Variants in DDAH1 observed in about 807,000 individuals in gnomAD.
DDAH1 encodes the protein dimethylarginine dimethylaminohydrolase 1, also known as N(G),N(G)-dimethylarginine dimethylaminohydrolase 1.
In DDAH1, 19 loss-of-function variants were observed where a neutral mutation model predicts 28.8. The observed-to-expected ratio is 0.66, with a 90% confidence interval of 0.46 to 0.97. The LOEUF (loss-of-function observed/expected upper bound fraction) is 0.97. DDAH1 is among the 50% of genes least tolerant of loss of function. The pLI is 0.00. For missense variants in DDAH1, 326 were observed against 375.9 expected, an observed-to-expected ratio of 0.87 and a Z score of 1.10; for synonymous variants, 153 against 154.4, an observed-to-expected ratio of 0.99 and a Z score of 0.07.
intron 1 of DDAH1, among the ~76,000 whole-genome samples, chr1:85,502,505 T>C (rs1656854096): frequency 6.6e-6 from 1 of 152,218 alleles, no homozygotes; most frequent in Non-Finnish European, 1.5e-5. Context: ...TGTGACACTT[T>C]TGAGGACCTC....
intron 1 of DDAH1, among the ~76,000 whole-genome samples, chr1:85,377,717 C>A (rs1262830195): frequency 6.6e-6 from 1 of 150,854 alleles, no homozygotes; most frequent in African/African-American, 2.4e-5. Flanking sequence ...CTCATCCCCC[C>A]ACCCCCATAC....
At chr1:85,540,961 A>T (rs1658454389) in intron 1 of DDAH1, among the ~76,000 whole-genome samples, 1 of 8,770 alleles carries the variant, frequency 1.1e-4, no homozygotes, top group Non-Finnish European at 2.4e-3. Flanking sequence ...CTCAGTATCT[A>T]AAAAAAAAAA....
At chr1:85,532,869 A>G (rs1361144607) in intron 1 of DDAH1, among the ~76,000 whole-genome samples, 2 of 152,258 alleles carry the variant, frequency 1.3e-5, no homozygotes, top group Non-Finnish European at 2.9e-5. Context: ...AAATCTGTCA[A>G]CTGGAAATAA....
At chr1:85,502,420 G>A (rs1382898528) in intron 1 of DDAH1, among the ~76,000 whole-genome samples, 1 of 152,220 alleles carries the variant, frequency 6.6e-6, no homozygotes, top group Non-Finnish European at 1.5e-5. Context: ...CAAAGCCAGT[G>A]GCTCTGACTG....
chr1:85,342,356 A>C (rs750907983), intron 4 of DDAH1, among the ~76,000 whole-genome samples: 10 of 151,894 alleles, frequency 6.6e-5, no homozygotes, highest in Non-Finnish European at 1.5e-4. Context: ...TCACACAGTA[A>C]GATCAGGTCC....
intron 1 of DDAH1, among the ~76,000 whole-genome samples, chr1:85,573,217 T>A (rs905184995): frequency 1.3e-5 from 2 of 152,202 alleles, no homozygotes; most frequent in Non-Finnish European, 2.9e-5. Flanking sequence ...TTGTCACAAA[T>A]AAATCACTTC....
chr1:85,554,174 A>G (rs1375608721), intron 1 of DDAH1, among the ~76,000 whole-genome samples: 1 of 152,066 alleles, frequency 6.6e-6, no homozygotes, highest in Non-Finnish European at 1.5e-5. Context: ...ACCATCTTTA[A>G]GATCTCTCAC....
chr1:85,479,336 G>C (rs1336067526), intron 2 of DDAH1, among the ~76,000 whole-genome samples: 1 of 151,020 alleles, frequency 6.6e-6, no homozygotes, highest in Non-Finnish European at 1.5e-5. Context: ...ACCGCGCCCG[G>C]CTAATTTTTT....
At chr1:85,327,098 A>T (rs1374180791) in intron 4 of DDAH1, among the ~76,000 whole-genome samples, 1 of 152,174 alleles carries the variant, frequency 6.6e-6, no homozygotes, top group East Asian at 1.9e-4. Flanking sequence ...TCCATTTATT[A>T]TTGTGTGCAA....
intron 1 of DDAH1, among the ~76,000 whole-genome samples, chr1:85,457,985 A>G (rs1654970368): frequency 1.3e-5 from 2 of 150,408 alleles, no homozygotes; most frequent in Non-Finnish European, 3.0e-5. Context: ...CACCACACCC[A>G]GCCCAAAACG....
intron 2 of DDAH1, among the ~76,000 whole-genome samples, chr1:85,481,847 C>T (rs1290732372): frequency 6.6e-6 from 1 of 152,230 alleles, no homozygotes; most frequent in Non-Finnish European, 1.5e-5. Context: ...CTTCTCTCCT[C>T]ATCTTGGTCT....
At chr1:85,497,872 C>A (rs1012917859) in intron 1 of DDAH1, among the ~76,000 whole-genome samples, 1 of 152,196 alleles carries the variant, frequency 6.6e-6, no homozygotes, top group Non-Finnish European at 1.5e-5. Context: ...AAAGTTCTTT[C>A]TTCCCCCTGA....
chr1:85,574,926 T>C (rs547011452), intron 1 of DDAH1, among the ~76,000 whole-genome samples: 1 of 151,556 alleles, frequency 6.6e-6, no homozygotes, highest in South Asian at 2.1e-4. Flanking sequence ...TATAACATAG[T>C]TGGGGAGAAA....
chr1:85,538,498 G>A (rs1463969397), intron 1 of DDAH1, among the ~76,000 whole-genome samples: 2 of 152,146 alleles, frequency 1.3e-5, no homozygotes, highest in African/African-American at 4.8e-5. Context: ...CTACCTCAAT[G>A]ATTTGCCCAG....
At chr1:85,515,584 A>T (rs1324542033) in intron 1 of DDAH1, among the ~76,000 whole-genome samples, 32 of 150,642 alleles carry the variant, frequency 2.1e-4, no homozygotes, top group African/African-American at 7.1e-4. Context: ...AATGTAAGTT[A>T]TATCCAAAGT....
intron 1 of DDAH1, among the ~76,000 whole-genome samples, chr1:85,560,498 C>T (rs551678812): frequency 2.6e-5 from 4 of 151,678 alleles, no homozygotes; most frequent in South Asian, 4.2e-4. Flanking sequence ...TATAGAAGTA[C>T]GATATATGAT....
chr1:85,400,866 C>A (rs1652067333), intron 1 of DDAH1, among the ~76,000 whole-genome samples: 1 of 152,116 alleles, frequency 6.6e-6, no homozygotes, highest in African/African-American at 2.4e-5. Context: ...TTATCTTATT[C>A]CTATATCCAT....
chr1:85,362,979 C>CTAT (rs1649870839), intron 1 of DDAH1, among the ~76,000 whole-genome samples: 1 of 152,264 alleles, frequency 6.6e-6, no homozygotes, highest in African/African-American at 2.4e-5. Context: ...AAAACTCTCC[C>CTAT]TAATATAAAA....
At chr1:85,343,068 C>G (rs1033297116) in intron 4 of DDAH1, among the ~76,000 whole-genome samples, 1 of 152,144 alleles carries the variant, frequency 6.6e-6, no homozygotes. Context: ...AGATGATTAC[C>G]CCTACAATAT....
Sources: allele counts gnomAD v4.1 joint callset (sites outside exome capture counted in the v4.1 genomes callset), GRCh38; gene constraint gnomAD v4.1.1; transcripts MANE v1.5; gene names NCBI Gene and HGNC (gene_info 2026-07-23, HGNC 2026-07-21).